The following TTC27 variants were observed in gnomAD, a reference collection of about 807,000 sequenced individuals.
TTC27 encodes tetratricopeptide repeat protein 27.
A neutral mutation model predicts 115.9 loss-of-function variants in TTC27; 79 were observed. The ratio of observed to expected loss-of-function variants is 0.68; its 90% CI spans 0.57 to 0.82. The LOEUF (loss-of-function observed/expected upper bound fraction) is 0.82, where lower values mean the gene tolerates loss of function less well. Among genes scored for constraint, TTC27 ranks in the 40% least tolerant of loss-of-function variants. TTC27 has a pLI of 0.00. For missense variants in TTC27, 1,054 were observed against 993.1 expected (o/e 1.06, Z -0.82); for synonymous variants, 401 against 356.0 (o/e 1.13, Z -1.42).
chr2:32,644,989 C>G (rs924300668), intron 4 of TTC27, among the ~76,000 whole-genome samples: 3 of 150,758 alleles, frequency 2.0e-5, no homozygotes, highest in African/African-American at 7.3e-5. Flanking sequence ...ACTATAGGCA[C>G]CTGGCTTATA....
chr2:32,628,412 T>C, intron 1 of TTC27, 32 bp downstream of exon 1: 1 of 1,526,254 alleles, frequency 6.6e-7, no homozygotes, highest in Non-Finnish European at 8.8e-7. Context: ...CCTTAGGCTA[T>C]CGTGGGAACT....
rs369910203 is a variant in TTC27, at chr2:32,666,898, G to T, written c.939+130G>T. ...TTATTCTTTCTTTTGCCTTTTAAAGGTTGCTGAGTCAGGGAGAACTGGTGT... is the reference window on the plus strand; with the variant it reads ...TTATTCTTTCTTTTGCCTTTTAAAGTTTGCTGAGTCAGGGAGAACTGGTGT... On this transcript the variant is annotated intron_variant, in intron 7 of 19. Transcript: ENST00000317907. 8 of 1,134,150 alleles carry T rather than the reference G, an allele frequency of 7.1e-6. No individual in the cohort carries two copies. In the South Asian group the frequency reaches 1.8e-4, roughly 26 times the overall value. The allele number at this position is 1,134,150 out of a possible 1,614,324, so 70.3% of individuals were successfully genotyped here.
intron 12 of TTC27, among the ~76,000 whole-genome samples, chr2:32,743,627 C>T (rs1668718906): frequency 6.6e-6 from 1 of 152,146 alleles, no homozygotes; most frequent in African/African-American, 2.4e-5. Flanking sequence ...CAAAATACAC[C>T]ATCAGGATGG....
intron 8 of TTC27, among the ~76,000 whole-genome samples, chr2:32,677,438 T>C (rs1559201338): frequency 2.0e-5 from 3 of 152,046 alleles, no homozygotes; most frequent in Non-Finnish European, 4.4e-5. Context: ...TCACAAAGAA[T>C]AGTGCCAAAC....
intron 13 of TTC27, among the ~76,000 whole-genome samples, chr2:32,776,258 C>G (rs1669993821): frequency 6.6e-6 from 1 of 152,184 alleles, no homozygotes; most frequent in Non-Finnish European, 1.5e-5. Flanking sequence ...AGCTTTATCT[C>G]TAATTACTGG....
chr2:32,789,921 C>CAAA (rs34859954), intron 16 of TTC27, among the ~76,000 whole-genome samples: 3,327 of 25,906 alleles, frequency 0.13, 419 homozygotes, highest in East Asian at 0.22. Context: ...ACCCTGTCTC[C>CAAA]AAAAAAAAAA....
chr2:32,645,374 TATAC>T (rs1174203984), intron 4 of TTC27, among the ~76,000 whole-genome samples: 1 of 152,176 alleles, frequency 6.6e-6, no homozygotes, highest in Non-Finnish European at 1.5e-5. Context: ...GTCTTGTGAG[TATAC>T]TACTGCTCCC....
intron 18 of TTC27, among the ~76,000 whole-genome samples, chr2:32,812,921 T>G (rs1250456239): frequency 6.6e-6 from 1 of 152,196 alleles, no homozygotes; most frequent in African/African-American, 2.4e-5. Context: ...ACACTGAGTT[T>G]CACTGTATTG....
chr2:32,812,976 A>G (rs1346049699), intron 18 of TTC27, among the ~76,000 whole-genome samples: 3 of 152,194 alleles, frequency 2.0e-5, no homozygotes, highest in African/African-American at 7.2e-5. Flanking sequence ...CTTGACTCAC[A>G]CATAGATCTC....
At chr2:32,678,783 T>G in intron 8 of TTC27, 73 bp from the exon 9 acceptor site, 1 of 1,205,536 alleles carries the variant, frequency 8.3e-7, no homozygotes. Context: ...TTTACTTTGC[T>G]TTTTAAAAAT....
intron 16 of TTC27, among the ~76,000 whole-genome samples, chr2:32,792,891 G>A (rs963957121): frequency 1.3e-5 from 2 of 152,148 alleles, no homozygotes; most frequent in African/African-American, 4.8e-5. Flanking sequence ...TGGAATTGCC[G>A]CTCCTCTATG....
intron 16 of TTC27, among the ~76,000 whole-genome samples, chr2:32,788,860 C>G (rs973697113): frequency 6.6e-6 from 1 of 150,708 alleles, no homozygotes; most frequent in African/African-American, 2.5e-5. Context: ...TCTATTTGCT[C>G]TTATTCTCCT....
chr2:32,637,872 G>T (rs1664489007), intron 3 of TTC27, among the ~76,000 whole-genome samples: 1 of 152,166 alleles, frequency 6.6e-6, no homozygotes, highest in African/African-American at 2.4e-5. Context: ...TCATGTCCAA[G>T]ACTGAACTCA....
At chr2:32,669,957 A>AT (rs1365095448) in intron 7 of TTC27, among the ~76,000 whole-genome samples, 2 of 147,620 alleles carry the variant, frequency 1.4e-5, no homozygotes, top group South Asian at 2.2e-4. Context: ...TTTATTTTTT[A>AT]TTTTTTTTGA....
intron 18 of TTC27, among the ~76,000 whole-genome samples, chr2:32,815,223 ATTTTTTTTTTTTTTTTT>A (rs533493768): frequency 1.8e-5 from 1 of 55,498 alleles, no homozygotes; most frequent in Non-Finnish European, 3.0e-5. Flanking sequence ...GCTGCTTCAG[ATTTTTTTTTTTTTTTTT>A]TTTTTTTTTT....
At chr2:32,809,632 T>C (rs1316708076) in intron 16 of TTC27, among the ~76,000 whole-genome samples, 2 of 152,226 alleles carry the variant, frequency 1.3e-5, no homozygotes, top group Non-Finnish European at 2.9e-5. Context: ...GCTGGTTCTT[T>C]TGCTGTCCCA....
At chr2:32,794,049 A>G (rs1260548396) in intron 16 of TTC27, among the ~76,000 whole-genome samples, 1 of 152,138 alleles carries the variant, frequency 6.6e-6, no homozygotes, top group Non-Finnish European at 1.5e-5. Flanking sequence ...TCAACAACCA[A>G]AAGGGGTGAG....
intron 16 of TTC27, among the ~76,000 whole-genome samples, chr2:32,809,127 A>C (rs1671233635): frequency 6.6e-6 from 1 of 152,228 alleles, no homozygotes; most frequent in South Asian, 2.1e-4. Context: ...CATGAATCTG[A>C]GTTCACATTC....
In TTC27 at chr2:32,666,635, G is replaced by A. The variant is rs1354932727; in HGVS notation, c.806G>A (p.Gly269Asp). 3 of 1,613,214 alleles carry A rather than the reference G, an allele frequency of 1.9e-6. No homozygotes were observed. Among genetic ancestry groups the A allele is most frequent in the African/African-American group, 1.3e-5 (1 of 74,834 alleles). ...DISQLQIDLT[G>D]ALGKRTRFQE... ...AGATATAATTTTATTGTTTTTTCAG[G>A]TGCTTTGGGAAAAAGAACACGGTTC... Residue 269 changes from glycine (G) to aspartate (D), a missense_variant and splice_region_variant, in exon 7 of 20, where the codon GGT becomes GAT. Gly to Asp is a moderately conservative substitution (Grantham distance 94, BLOSUM62 -1). Transcript: ENST00000317907.
Sources: allele counts gnomAD v4.1 joint callset (sites outside exome capture counted in the v4.1 genomes callset), GRCh38; gene constraint gnomAD v4.1.1; transcripts MANE v1.5; gene names NCBI Gene and HGNC (gene_info 2026-07-23, HGNC 2026-07-21).